The following FANCM variants were observed in gnomAD, a reference collection of about 807,000 sequenced individuals.
The protein encoded by FANCM is Fanconi anemia group M protein.
A neutral mutation model predicts 199.5 loss-of-function variants in FANCM; 140 were observed. The ratio of observed to expected loss-of-function variants is 0.70; its 90% confidence interval spans 0.61 to 0.81. FANCM has a LOEUF of 0.81. Ranked by LOEUF, FANCM falls within the 30% of genes least tolerant of loss-of-function variation. FANCM has a pLI of 0.00. For synonymous variants in FANCM, 840 were observed against 836.8 expected (o/e 1.00, Z -0.07); for missense variants, 2,410 against 2,421.4 (o/e 1.00, Z 0.10).
chr14:45,150,052 G>A (rs181826473), intron 4 of FANCM, among the ~76,000 whole-genome samples: 2 of 152,236 alleles, frequency 1.3e-5, no homozygotes, highest in East Asian at 3.9e-4. Flanking sequence ...TTTTTCTGTA[G>A]TTCATAATTA....
Position 45,181,678 on chromosome 14 carries a change from C to A in FANCM, c.4359C>A (p.Val1453=). ...NSEVDSPLHA[V]KKRRFPINRS... Reference sequence around the variant, plus strand: ...AAGTTGATTCTCCACTTCATGCTGTCAAAAAGCGCAGATTTCCTATAAACA... The same window carrying A: ...AAGTTGATTCTCCACTTCATGCTGTAAAAAAGCGCAGATTTCCTATAAACA... The change falls in exon 16 of 23, where the codon GTC becomes GTA. Residue 1453 remains valine, a synonymous_variant. Coordinates refer to ENST00000267430, the MANE Select transcript of FANCM (RefSeq NM_020937.4). 1 of 1,610,102 alleles carries A rather than the reference C, an allele frequency of 6.2e-7. No individual in the cohort carries two copies. The highest frequency in any genetic ancestry group is 1.1e-5 in the South Asian group (1 of 90,918).
intron 20 of FANCM, 29 bp from the exon 21 acceptor site, chr14:45,196,143 A>G (rs760562266): frequency 6.2e-7 from 1 of 1,613,598 alleles, no homozygotes; most frequent in Non-Finnish European, 8.5e-7. Flanking sequence ...ATTTAACCTG[A>G]ATGTGACCAG....
intron 18 of FANCM, among the ~76,000 whole-genome samples, chr14:45,186,522 ATTAT>A (rs1338546980): frequency 2.6e-5 from 4 of 152,232 alleles, no homozygotes; most frequent in East Asian, 1.9e-4. Context: ...AGTCTCTGAT[ATTAT>A]TTAAAGTGAC....
At chr14:45,192,080 C>T (rs1889800580) in intron 20 of FANCM, among the ~76,000 whole-genome samples, 1 of 151,880 alleles carries the variant, frequency 6.6e-6, no homozygotes, top group South Asian at 2.1e-4. Flanking sequence ...GTGATAATTT[C>T]TGAATAATTG....
At chr14:45,156,311 G>T (rs1887186286) in intron 8 of FANCM, among the ~76,000 whole-genome samples, 1 of 152,166 alleles carries the variant, frequency 6.6e-6, no homozygotes, top group Non-Finnish European at 1.5e-5. Context: ...CCTACAAGTG[G>T]TATAGATGAG....
rs777137192 is a variant in FANCM, at chr14:45,183,734, TA to T, written c.4387-39del. On this transcript the variant is annotated intron_variant, in intron 16 of 22. Coordinates refer to ENST00000267430, the MANE Select transcript of FANCM (RefSeq NM_020937.4). The stretch of plus-strand genomic sequence containing the variant: ...CAATTTTACTTGTCTAGGAAGAAAA[TA>T]TTTTTTTCTTATGCAAGAATTTTGT... The T allele has an allele frequency of 2.0e-4, 301 of 1,486,754 alleles. 5 individuals carry two copies. The East Asian group carries it at 5.7e-3, about 28-fold the overall frequency. 92.1% of individuals were successfully genotyped at this position (1,486,754 alleles called of 1,614,324 possible).
intron 8 of FANCM, among the ~76,000 whole-genome samples, chr14:45,158,290 A>G (rs1401313658): frequency 6.6e-6 from 1 of 152,192 alleles, no homozygotes; most frequent in Non-Finnish European, 1.5e-5. Flanking sequence ...TCATTTATAC[A>G]TCAATCCATA....
intron 10 of FANCM, 68 bp downstream of exon 10, chr14:45,164,633 C>T: frequency 8.2e-7 from 1 of 1,214,526 alleles, no homozygotes; most frequent in Non-Finnish European, 1.2e-6. Flanking sequence ...AGGTGAATAT[C>T]AACATGTTAG....
chr14:45,138,977 T>C (rs1885723300), intron 2 of FANCM, among the ~76,000 whole-genome samples: 1 of 152,226 alleles, frequency 6.6e-6, no homozygotes, highest in Non-Finnish European at 1.5e-5. Context: ...ACATGTGCCA[T>C]ATAACAACAA....
chr14:45,171,439 T>C (rs374991462), intron 12 of FANCM, among the ~76,000 whole-genome samples: 19 of 152,102 alleles, frequency 1.2e-4, no homozygotes, highest in African/African-American at 4.3e-4. Flanking sequence ...CAGTGTACAC[T>C]GCACCCAATG....
At chr14:45,166,849 A>G in intron 10 of FANCM, 101 bp from the exon 11 acceptor site, 2 of 751,016 alleles carry the variant, frequency 2.7e-6, no homozygotes, top group South Asian at 3.3e-5. Context: ...TCGGGGTTTA[A>G]TTTTATGTTT....
rs776300302 is a variant in FANCM at position 45,159,162 on chromosome 14, G to GA, written c.1463_1464insA (p.Ser488ArgfsTer17). ...ATGATCTTCTCTTCATTTCGAGATA[G>GA]TGTTCAAGAAATTGCAGAAATGCTT... On this transcript the variant is annotated frameshift_variant, in exon 9 of 23. Coordinates refer to ENST00000267430, the MANE Select transcript of FANCM (RefSeq NM_020937.4). LOFTEE classifies it high-confidence loss of function. 1 of 1,613,326 alleles carries GA rather than the reference G, an allele frequency of 6.2e-7. No homozygotes were observed. The highest frequency in any genetic ancestry group is 1.7e-5 in the Admixed American group (1 of 59,996).
In FANCM at chr14:45,175,659, A is replaced by G; in HGVS notation, c.2905A>G (p.Ile969Val). 2 of 1,613,222 alleles carry G rather than the reference A, an allele frequency of 1.2e-6. No homozygotes were observed. Among genetic ancestry groups the G allele is most frequent in the South Asian group, 1.1e-5 (1 of 91,062 alleles). Residue 969 changes from isoleucine to valine, a missense_variant, in exon 14 of 23, where the codon ATT becomes GTT. Ile to Val is a conservative substitution (Grantham distance 29). Transcript: ENST00000267430. ...TCTTCCATTCGAAGAAGAGCTTTAT[A>G]TTGTTAGAACAGATGACCAATTTTA... The part of the protein sequence containing the change: ...LFLPFEEELY[I>V]VRTDDQFYNC...
intron 21 of FANCM, among the ~76,000 whole-genome samples, chr14:45,198,053 C>A (rs1009328313): frequency 1.3e-5 from 2 of 152,056 alleles, no homozygotes; most frequent in Non-Finnish European, 2.9e-5. Flanking sequence ...ATGTTTGAGC[C>A]ACCAGCCTTC....
intron 13 of FANCM, among the ~76,000 whole-genome samples, chr14:45,174,703 A>C (rs1467610700): frequency 6.6e-6 from 1 of 152,142 alleles, no homozygotes; most frequent in African/African-American, 2.4e-5. Flanking sequence ...GGTTTTTATT[A>C]ATATATGTTT....
chr14:45,149,157 T>C (rs558488462), intron 4 of FANCM, among the ~76,000 whole-genome samples, 162 bp downstream of exon 4: 2 of 152,340 alleles, frequency 1.3e-5, no homozygotes, highest in East Asian at 3.9e-4. Context: ...GAGCACTGTG[T>C]TTTGTATGTA....
intron 9 of FANCM, among the ~76,000 whole-genome samples, chr14:45,160,083 C>T (rs1887487612): frequency 6.7e-6 from 1 of 150,062 alleles, no homozygotes; most frequent in Non-Finnish European, 1.5e-5. Flanking sequence ...TCACTGCAAC[C>T]TCCGCCTCCC....
In FANCM at chr14:45,170,636, G is replaced by A. The variant is rs1888277669; in HGVS notation, c.2050G>A (p.Glu684Lys). ...GAAAGATTGGTTCTTATCAGAAGAAGAATTTAAATTATGGAACAGACTTTA... is the reference window on the plus strand; with the variant it reads ...GAAAGATTGGTTCTTATCAGAAGAAAAATTTAAATTATGGAACAGACTTTA... The part of the protein sequence containing the change: ...LKKDWFLSEE[E>K]FKLWNRLYRL... Residue 684 changes from glutamate (E) to lysine (K), a missense_variant, in exon 12 of 23, where the codon GAA (glutamate) becomes AAA (lysine). By Grantham distance (56) the Glu-to-Lys change is moderately conservative. Coordinates refer to ENST00000267430, the MANE Select transcript of FANCM (RefSeq NM_020937.4). The A allele has an allele frequency of 6.2e-7, 1 of 1,602,164 alleles. No individual in the cohort carries two copies.
rs757592514 is a variant in FANCM at position 45,164,380 on chromosome 14, G to A, written c.1603G>A (p.Gly535Ser). The A allele has an allele frequency of 1.9e-6, 3 of 1,612,734 alleles. No homozygotes were observed. Among genetic ancestry groups the A allele is most frequent in the Non-Finnish European group, 2.5e-6 (3 of 1,179,682 alleles). ...TTAGGTAGTGAAACAGTTTCGTGAC[G>A]GTGGTTACAACACGCTGGTTTCTAC... is the stretch of plus-strand genomic sequence containing the variant. ...QLEVVKQFRD[G>S]GYNTLVSTCV... Residue 535 changes from glycine (G) to serine (S), a missense_variant, in exon 10 of 23, where the codon GGT (glycine) becomes AGT (serine). Gly to Ser is a moderately conservative substitution (Grantham distance 56, BLOSUM62 0). Transcript: ENST00000267430.
Sources: gnomAD v4.1 joint callset for allele counts (sites outside exome capture counted in the v4.1 genomes callset) on GRCh38, gnomAD v4.1.1 for gene constraint, MANE v1.5 for transcripts, NCBI Gene and HGNC (gene_info 2026-07-23, HGNC 2026-07-21) for gene names.